Variants in CCDC85B observed in about 807,000 individuals in gnomAD.
CCDC85B encodes coiled-coil domain-containing protein 85B.
A neutral mutation model predicts 13.6 loss-of-function variants in CCDC85B; 8 were observed. The ratio of observed to expected loss-of-function variants is 0.59; its 90% CI spans 0.35 to 1.06. The LOEUF (loss-of-function observed/expected upper bound fraction) is 1.06. Ranked by LOEUF, CCDC85B falls within the 50% of genes least tolerant of loss-of-function variation. The pLI is 0.02. For missense variants in CCDC85B, 217 were observed against 285.9 expected (o/e 0.76, Z 1.74); for synonymous variants, 118 against 135.9 (o/e 0.87, Z 0.92).
chr11:65,891,055 G>A lies in CCDC85B; in HGVS notation c.272G>A (p.Gly91Glu). Reference sequence around the variant, plus strand: ...TTCCTGGACTCGGAGCGCCAGCGCGGGCGGCGCGCCGCACGCCAGTGGCAG... The same window carrying A: ...TTCCTGGACTCGGAGCGCCAGCGCGAGCGGCGCGCCGCACGCCAGTGGCAG... ...CCFLDSERQR[G>E]RRAARQWQLF... The change falls in exon 1 of 1, where the codon GGG becomes GAG. Residue 91 changes from glycine (G) to glutamate (E), a missense_variant. Physicochemically the swap from Gly to Glu is moderately conservative, Grantham distance 98 (BLOSUM62 -2). Coordinates refer to ENST00000312579, the MANE Select transcript of CCDC85B (RefSeq NM_006848.3). This position sits in a 1 kb window ranked among gnomAD's most constrained non-coding sequence, Gnocchi z 7.3. 1.3e-6 allele frequency: 2 copies of A among 1,546,008 alleles called. No homozygotes were observed. The highest frequency in any genetic ancestry group is 1.7e-6 in the Non-Finnish European group (2 of 1,154,384).
At position 65,891,353 on chromosome 11, in the gene CCDC85B, T is replaced by G; in HGVS notation, c.570T>G (p.Ser190Arg). 1 of 1,605,102 alleles carries G rather than the reference T, an allele frequency of 6.2e-7. No homozygotes were observed. Among genetic ancestry groups the G allele is most frequent in the Non-Finnish European group, 8.5e-7 (1 of 1,177,042 alleles). ...DGSSSTGSVGSPDQLPLACSP... is the reference protein window; with the variant it reads ...DGSSSTGSVGRPDQLPLACSP... ...GCTCCAGCACTGGCAGCGTGGGCAGTCCGGATCAGTTGCCCCTGGCCTGTT... is the reference window on the plus strand; with the variant it reads ...GCTCCAGCACTGGCAGCGTGGGCAGGCCGGATCAGTTGCCCCTGGCCTGTT... The change falls in exon 1 of 1, where the codon AGT becomes AGG. Residue 190 changes from serine to arginine, a missense_variant. By Grantham distance (110) the Ser-to-Arg change is moderately radical (BLOSUM62 -1). Coordinates refer to ENST00000312579, the MANE Select transcript of CCDC85B (RefSeq NM_006848.3). This position sits in a 1 kb window ranked among gnomAD's most constrained non-coding sequence, Gnocchi z 7.3.
chr11:65,891,131 T>C lies in CCDC85B; in HGVS notation c.348T>C (p.Cys116=). Residue 116 remains cysteine, a synonymous_variant, in exon 1 of 1, where the codon TGT becomes TGC. Transcript: ENST00000312579. The surrounding 1 kb of genome is among the most constrained non-coding windows in gnomAD (Gnocchi z 7.3). ...SRAVREDLGG[C]WQKLAELEGR... ...CCGTGCGCGAGGACCTGGGCGGCTG[T>C]TGGCAGAAGCTGGCCGAGCTGGAGG... The C allele has an allele frequency of 2.5e-6, 4 of 1,570,442 alleles. No individual in the cohort carries two copies. Among genetic ancestry groups the C allele is most frequent in the Non-Finnish European group, 3.4e-6 (4 of 1,162,288 alleles).
Position 65,890,999 on chromosome 11 carries a change from A to G in CCDC85B, c.216A>G (p.Ala72=), listed in dbSNP as rs1218097726. 6.5e-7 allele frequency: 1 copy of G among 1,538,006 alleles called. No individual in the cohort carries two copies. Among genetic ancestry groups the G allele is most frequent in the Admixed American group, 1.9e-5 (1 of 51,414 alleles). Residue 72 remains alanine (A), a synonymous_variant, in exon 1 of 1, where the codon GCA becomes GCG. Transcript: ENST00000312579. ...AGCAGCTCAACCGGCGTCTGCAGGC[A>G]GAGAACCGTGAGCTGCGCGACCTCT... ...ELKQLNRRLQ[A]ENRELRDLCC... is the part of the protein sequence containing the mutation.
chr11:65,890,703 G>C lies in CCDC85B; in HGVS notation c.-81G>C. The C allele has an allele frequency of 7.5e-7, 1 of 1,330,482 alleles. No individual in the cohort carries two copies. Among genetic ancestry groups the C allele is most frequent in the Non-Finnish European group, 9.6e-7 (1 of 1,043,434 alleles). The allele number at this position is 1,330,482 out of a possible 1,614,324, so 82.4% of individuals were successfully genotyped here. The stretch of plus-strand genomic sequence containing the variant: ...CCTGCCGCGTGCGGAGCCGGAGCCC[G>C]AGCCTGAGTGGCGCCGGGCCCGACG... On this transcript the variant is annotated 5_prime_UTR_variant, in exon 1 of 1. Coordinates refer to ENST00000312579, the MANE Select transcript of CCDC85B (RefSeq NM_006848.3).
In CCDC85B at chr11:65,891,185, C is replaced by T. The variant is rs1471414707; in HGVS notation, c.402C>T (p.Asn134=). Residue 134 remains asparagine (N), a synonymous_variant, in exon 1 of 1, where the codon AAC becomes AAT. Transcript: ENST00000312579. The surrounding 1 kb of genome is among the most constrained non-coding windows in gnomAD (Gnocchi z 7.3). ...GCCAGGAGGAGCTGCTGCGGGAGAA[C>T]CTAGCGCTTAAGGAGCTCTGCCTGG... is the stretch of plus-strand genomic sequence containing the variant. ...EGRQEELLRE[N]LALKELCLAL... The T allele has an allele frequency of 1.3e-6, 2 of 1,534,084 alleles. No homozygotes were observed. The highest frequency in any genetic ancestry group is 1.7e-6 in the Non-Finnish European group (2 of 1,143,810).
rs994964800 is a variant in CCDC85B, at chr11:65,891,424, C to G, written c.*32C>G. Reference sequence around the variant, plus strand: ...TGCTTCCTCCACGCCGACGCCCGCCCGGATTGCTCCCCGAGCCCCGGGACC... The same window carrying G: ...TGCTTCCTCCACGCCGACGCCCGCCGGGATTGCTCCCCGAGCCCCGGGACC... On this transcript the variant is annotated 3_prime_UTR_variant, in exon 1 of 1. Transcript: ENST00000312579. This position sits in a 1 kb window ranked among gnomAD's most constrained non-coding sequence, Gnocchi z 7.3. The G allele has an allele frequency of 6.6e-7, 1 of 1,525,496 alleles. No individual in the cohort carries two copies. Among genetic ancestry groups the G allele is most frequent in the Non-Finnish European group, 8.8e-7 (1 of 1,139,938 alleles). The allele number at this position is 1,525,496 out of a possible 1,614,324, so 94.5% of individuals were successfully genotyped here.
rs755508449 is a variant in CCDC85B, at chr11:65,891,305, G to A, written c.522G>A (p.Gly174=). The A allele has an allele frequency of 6.3e-7, 1 of 1,589,272 alleles. No homozygotes were observed. Among genetic ancestry groups the A allele is most frequent in the South Asian group, 1.1e-5 (1 of 88,148 alleles). Residue 174 remains glycine (G), a synonymous_variant, in exon 1 of 1, where the codon GGG becomes GGA. Transcript: ENST00000312579. This position sits in a 1 kb window ranked among gnomAD's most constrained non-coding sequence, Gnocchi z 7.3. ...PAPELALPPC[G]PRDLGDGSSS... is the part of the protein sequence containing the mutation. The stretch of plus-strand genomic sequence containing the variant: ...CCGAGCTTGCCTTGCCCCCGTGCGG[G>A]CCCCGCGACCTAGGCGATGGAAGCT...
chr11:65,890,938 A>T lies in CCDC85B; in HGVS notation c.155A>T (p.Gln52Leu). The T allele has an allele frequency of 6.5e-7, 1 of 1,529,816 alleles. No individual in the cohort carries two copies. The highest frequency in any genetic ancestry group is 2.5e-5 in the East Asian group (1 of 39,960). 94.8% of individuals were successfully genotyped at this position (1,529,816 alleles called of 1,614,324 possible). A position where few individuals can be genotyped will look rare whatever the true frequency, so the allele number is the denominator to read the frequency against. ...CGCCTCATGCAGGAGGTGAATCGGC[A>T]GCTGCAGGGCCACCTGGGCGAGATC... ...RGRLMQEVNR[Q>L]LQGHLGEIRE... The change falls in exon 1 of 1, where the codon CAG becomes CTG. Residue 52 changes from glutamine (Q) to leucine (L), a missense_variant. Physicochemically the swap from Gln to Leu is moderately radical, Grantham distance 113. Transcript: ENST00000312579.
In CCDC85B at chr11:65,890,881, C is replaced by T; in HGVS notation, c.98C>T (p.Ala33Val). 11 of 1,512,340 alleles carry T rather than the reference C, an allele frequency of 7.3e-6. No homozygotes were observed. The highest frequency in any genetic ancestry group is 9.7e-6 in the Non-Finnish European group (11 of 1,136,464). 93.7% of individuals were successfully genotyped at this position (1,512,340 alleles called of 1,614,324 possible). ...GTGCGGCGCCTGCGGCGGGAGGAGGCGGCGCGCCTGGCGGCACTGGTGCAG... is the reference window on the plus strand; with the variant it reads ...GTGCGGCGCCTGCGGCGGGAGGAGGTGGCGCGCCTGGCGGCACTGGTGCAG... ...ELVRRLRREEAARLAALVQRG... is the reference protein window; with the variant it reads ...ELVRRLRREEVARLAALVQRG... Residue 33 changes from alanine to valine, a missense_variant, in exon 1 of 1, where the codon GCG becomes GTG. Transcript: ENST00000312579.
At position 65,891,001 on chromosome 11, in the gene CCDC85B, A is replaced by G; in HGVS notation, c.218A>G (p.Glu73Gly). 6.5e-7 allele frequency: 1 copy of G among 1,538,264 alleles called. No homozygotes were observed. The highest frequency in any genetic ancestry group is 8.7e-7 in the Non-Finnish European group (1 of 1,149,144). ...CAGCTCAACCGGCGTCTGCAGGCAG[A>G]GAACCGTGAGCTGCGCGACCTCTGC... ...LKQLNRRLQAENRELRDLCCF... is the reference protein window; with the variant it reads ...LKQLNRRLQAGNRELRDLCCF... The change falls in exon 1 of 1, where the codon GAG (glutamate) becomes GGG (glycine). Residue 73 changes from glutamate (E) to glycine (G), a missense_variant. Physicochemically the swap from Glu to Gly is moderately conservative, Grantham distance 98. Transcript: ENST00000312579. This position sits in a 1 kb window ranked among gnomAD's most constrained non-coding sequence, Gnocchi z 7.3.
Position 65,890,909 on chromosome 11 carries a change from C to A in CCDC85B, c.126C>A (p.Arg42=). The A allele has an allele frequency of 6.5e-7, 1 of 1,529,276 alleles. No homozygotes were observed. Among genetic ancestry groups the A allele is most frequent in the Non-Finnish European group, 8.7e-7 (1 of 1,144,476 alleles). 94.7% of individuals were successfully genotyped at this position (1,529,276 alleles called of 1,614,324 possible). A position where few individuals can be genotyped will look rare whatever the true frequency, so the allele number is the denominator to read the frequency against. ...CGCGCCTGGCGGCACTGGTGCAGCGCGGCCGCCTCATGCAGGAGGTGAATC... is the reference window on the plus strand; with the variant it reads ...CGCGCCTGGCGGCACTGGTGCAGCGAGGCCGCCTCATGCAGGAGGTGAATC... ...EAARLAALVQ[R]GRLMQEVNRQ... The change falls in exon 1 of 1, where the codon CGC becomes CGA. Residue 42 remains arginine, a synonymous_variant. Coordinates refer to ENST00000312579, the MANE Select transcript of CCDC85B (RefSeq NM_006848.3).
chr11:65,891,496 G>A lies in CCDC85B; in HGVS notation c.*104G>A, dbSNP rs1860384609. On this transcript the variant is annotated 3_prime_UTR_variant, in exon 1 of 1. Transcript: ENST00000312579. The surrounding 1 kb of genome is among the most constrained non-coding windows in gnomAD (Gnocchi z 7.3). ...ACGCCGTCCTGGCTGCGCAGGAGGG[G>A]CCGCTGGCATGGACTAAGAAATCCT... 3 of 1,312,496 alleles carry A rather than the reference G, an allele frequency of 2.3e-6. No individual in the cohort carries two copies. Among genetic ancestry groups the A allele is most frequent in the Middle Eastern group, 4.0e-4 (2 of 4,956 alleles). 81.3% of individuals were successfully genotyped at this position (1,312,496 alleles called of 1,614,324 possible).
At position 65,891,251 on chromosome 11, in the gene CCDC85B, C is replaced by T. The variant is rs75556285; in HGVS notation, c.468C>T (p.Gly156=). The change falls in exon 1 of 1, where the codon GGC becomes GGT. Residue 156 remains glycine, a synonymous_variant. Coordinates refer to ENST00000312579, the MANE Select transcript of CCDC85B (RefSeq NM_006848.3). The surrounding 1 kb of genome is among the most constrained non-coding windows in gnomAD (Gnocchi z 7.3). ...GGGGCCCCCGCGGCGGCCCCAGCGG[C>T]GCCGGGGGATCAGGAGCCGGGCCAG... The part of the protein sequence containing the change: ...EEWGPRGGPS[G]AGGSGAGPAP... 4,384 of 1,522,540 alleles carry T rather than the reference C, an allele frequency of 2.9e-3. 116 individuals are homozygous for T. In the African/African-American group the frequency reaches 0.054, roughly 19 times the overall value. 94.3% of individuals were successfully genotyped at this position (1,522,540 alleles called of 1,614,324 possible).
Position 65,891,565 on chromosome 11 carries a change from G to A in CCDC85B, c.*173G>A. ...TCGCTCTTGCTGGCAGGGCAGCAGGGGGACTGAAGGCTGGAGCGGAGGGAC... is the reference window on the plus strand; with the variant it reads ...TCGCTCTTGCTGGCAGGGCAGCAGGAGGACTGAAGGCTGGAGCGGAGGGAC... On this transcript the variant is annotated 3_prime_UTR_variant, in exon 1 of 1. Coordinates refer to ENST00000312579, the MANE Select transcript of CCDC85B (RefSeq NM_006848.3). The surrounding 1 kb of genome is among the most constrained non-coding windows in gnomAD (Gnocchi z 7.3). 1.4e-6 allele frequency: 1 copy of A among 706,812 alleles called. No homozygotes were observed. Among genetic ancestry groups the A allele is most frequent in the Non-Finnish European group, 2.1e-6 (1 of 465,794 alleles). 43.8% of individuals were successfully genotyped at this position (706,812 alleles called of 1,614,324 possible).
Position 65,891,357 on chromosome 11 carries a change from G to A in CCDC85B, c.574G>A (p.Asp192Asn). ...CAGCACTGGCAGCGTGGGCAGTCCG[G>A]ATCAGTTGCCCCTGGCCTGTTCCCC... Reference protein sequence around the residue: ...SSSTGSVGSPDQLPLACSPDD With the variant: ...SSSTGSVGSPNQLPLACSPDD Residue 192 changes from aspartate to asparagine, a missense_variant, in exon 1 of 1, where the codon GAT becomes AAT. Transcript: ENST00000312579. This position sits in a 1 kb window ranked among gnomAD's most constrained non-coding sequence, Gnocchi z 7.3. 1.2e-6 allele frequency: 2 copies of A among 1,604,830 alleles called. No homozygotes were observed. The highest frequency in any genetic ancestry group is 1.7e-6 in the Non-Finnish European group (2 of 1,176,928).
Position 65,890,915 on chromosome 11 carries a change from C to T in CCDC85B, c.132C>T (p.Arg44=). 1 of 1,529,808 alleles carries T rather than the reference C, an allele frequency of 6.5e-7. No homozygotes were observed. The allele number at this position is 1,529,808 out of a possible 1,614,324, so 94.8% of individuals were successfully genotyped here. The change falls in exon 1 of 1, where the codon CGC becomes CGT. Residue 44 remains arginine, a synonymous_variant. Transcript: ENST00000312579. ...ARLAALVQRG[R]LMQEVNRQLQ... ...TGGCGGCACTGGTGCAGCGCGGCCGCCTCATGCAGGAGGTGAATCGGCAGC... is the reference window on the plus strand; with the variant it reads ...TGGCGGCACTGGTGCAGCGCGGCCGTCTCATGCAGGAGGTGAATCGGCAGC...
Position 65,890,705 on chromosome 11 carries a change from G to T in CCDC85B, c.-79G>T, listed in dbSNP as rs949019356. 106 of 1,336,592 alleles carry T rather than the reference G, an allele frequency of 7.9e-5. No individual in the cohort carries two copies. The highest frequency in any genetic ancestry group is 1.6e-4 in the Admixed American group (4 of 24,388). 82.8% of individuals were successfully genotyped at this position (1,336,592 alleles called of 1,614,324 possible). A position where few individuals can be genotyped will look rare whatever the true frequency, so the allele number is the denominator to read the frequency against. On this transcript the variant is annotated 5_prime_UTR_variant, in exon 1 of 1. Coordinates refer to ENST00000312579, the MANE Select transcript of CCDC85B (RefSeq NM_006848.3). The stretch of plus-strand genomic sequence containing the variant: ...TGCCGCGTGCGGAGCCGGAGCCCGA[G>T]CCTGAGTGGCGCCGGGCCCGACGTG...
Position 65,891,536 on chromosome 11 carries a change from C to A in CCDC85B, c.*144C>A, listed in dbSNP as rs1471420034. The A allele has an allele frequency of 7.7e-6, 7 of 912,352 alleles. No homozygotes were observed. The highest frequency in any genetic ancestry group is 1.1e-5 in the Non-Finnish European group (7 of 651,640). The allele number at this position is 912,352 out of a possible 1,614,324, so 56.5% of individuals were successfully genotyped here. On this transcript the variant is annotated 3_prime_UTR_variant, in exon 1 of 1. Coordinates refer to ENST00000312579, the MANE Select transcript of CCDC85B (RefSeq NM_006848.3). The surrounding 1 kb of genome is among the most constrained non-coding windows in gnomAD (Gnocchi z 7.3). ...TAAGAAATCCTGACACCAAGAAGGG[C>A]CCCTCGCTCTTGCTGGCAGGGCAGC... is the stretch of plus-strand genomic sequence containing the variant.
rs1478722689 is a variant in CCDC85B, at chr11:65,891,066, G to A, written c.283G>A (p.Ala95Thr). The change falls in exon 1 of 1, where the codon GCA becomes ACA. Residue 95 changes from alanine (A) to threonine (T), a missense_variant. Coordinates refer to ENST00000312579, the MANE Select transcript of CCDC85B (RefSeq NM_006848.3). This position sits in a 1 kb window ranked among gnomAD's most constrained non-coding sequence, Gnocchi z 7.3. Reference sequence around the variant, plus strand: ...GGAGCGCCAGCGCGGGCGGCGCGCCGCACGCCAGTGGCAGCTCTTCGGGAC... The same window carrying A: ...GGAGCGCCAGCGCGGGCGGCGCGCCACACGCCAGTGGCAGCTCTTCGGGAC... ...DSERQRGRRA[A>T]RQWQLFGTQA... is the part of the protein sequence containing the mutation. The A allele has an allele frequency of 6.5e-7, 1 of 1,549,704 alleles. No homozygotes were observed. The highest frequency in any genetic ancestry group is 1.9e-5 in the Admixed American group (1 of 52,174).
Sources: allele counts gnomAD v4.1 joint callset, GRCh38; gene constraint gnomAD v4.1.1; non-coding constraint Gnocchi (gnomAD v3.1); transcripts MANE v1.5; gene names NCBI Gene and HGNC (gene_info 2026-07-23, HGNC 2026-07-21).